The following ANP32A variants were observed in gnomAD, a reference collection of about 807,000 sequenced individuals.
ANP32A encodes acidic leucine-rich nuclear phosphoprotein 32 family member A.
A neutral mutation model predicts 33.9 loss-of-function variants in ANP32A; 1 was observed. The ratio of observed to expected loss-of-function variants is 0.03; its 90% CI spans 0.01 to 0.14. The LOEUF is 0.14. Among genes scored for constraint, ANP32A ranks in the 10% least tolerant of loss-of-function variants. The pLI, the probability that ANP32A is intolerant of heterozygous loss-of-function variation, is 1.00. For missense variants in ANP32A, 155 were observed against 306.0 expected (o/e 0.51, Z 3.68); for synonymous variants, 115 against 120.5 (o/e 0.95, Z 0.30).
intron 5 of ANP32A, chr15:68,781,015 A>C (rs899927127): frequency 6.5e-6 from 1 of 154,542 alleles, no homozygotes; most frequent in Non-Finnish European, 1.4e-5. Context: ...GGGTTGGGGA[A>C]GATAAATTCA....
chr15:68,805,243 T>C (rs1472945825), intron 1 of ANP32A, among the ~76,000 whole-genome samples: 1 of 152,190 alleles, frequency 6.6e-6, no homozygotes, highest in Non-Finnish European at 1.5e-5. Flanking sequence ...GAAACACCAA[T>C]GGAAATTCCA....
chr15:68,785,917 G>A (rs192335260), intron 3 of ANP32A, among the ~76,000 whole-genome samples: 1 of 152,328 alleles, frequency 6.6e-6, no homozygotes, highest in East Asian at 1.9e-4. Flanking sequence ...GATCAAAATA[G>A]TTTGGCTTTT....
intron 3 of ANP32A, among the ~76,000 whole-genome samples, chr15:68,785,915 T>C (rs1893925953): frequency 6.6e-6 from 1 of 152,204 alleles, no homozygotes; most frequent in African/African-American, 2.4e-5. Context: ...CAGATCAAAA[T>C]AGTTTGGCTT....
chr15:68,787,082 G>A (rs1893942445), intron 3 of ANP32A: 3 of 274,398 alleles, frequency 1.1e-5, no homozygotes, highest in Admixed American at 4.7e-5. Flanking sequence ...AACAAGCCAT[G>A]CCCTGAACCT....
rs1013290721 is a variant in ANP32A at position 68,779,870 on chromosome 15, G to C, written c.*211C>G. On this transcript the variant is annotated 3_prime_UTR_variant, in exon 7 of 7. Coordinates refer to ENST00000465139, the MANE Select transcript of ANP32A (RefSeq NM_006305.4). ...AGAAAAAGTAGGGGAAAAAAATAAA[G>C]AGTGGCAGTAAAAATAGTATTTTAT... The C allele has an allele frequency of 1.8e-6, 1 of 540,936 alleles. No individual in the cohort carries two copies. Among genetic ancestry groups the C allele is most frequent in the African/African-American group, 1.9e-5 (1 of 52,618 alleles). The allele number at this position is 540,936 out of a possible 1,614,324, so 33.5% of individuals were successfully genotyped here.
intron 1 of ANP32A, among the ~76,000 whole-genome samples, chr15:68,808,835 G>A (rs1894274254): frequency 6.6e-6 from 1 of 152,142 alleles, no homozygotes; most frequent in Non-Finnish European, 1.5e-5. Context: ...ACCCAGCACT[G>A]GGCACTGCTG....
Position 68,798,185 on chromosome 15 carries a change from C to G in ANP32A, c.55-10266G>C, listed in dbSNP as rs143692244. On this transcript the variant is annotated intron_variant, in intron 1 of 6. Coordinates refer to ENST00000465139, the MANE Select transcript of ANP32A (RefSeq NM_006305.4). Reference sequence around the variant, plus strand: ...TCCCACTGGAGTCTTCAGGGAGCAGCCCAGGGTTTCTGCCTTGGAGTCCGG... The same window carrying G: ...TCCCACTGGAGTCTTCAGGGAGCAGGCCAGGGTTTCTGCCTTGGAGTCCGG... 5.2e-4 allele frequency among the ~76,000 whole-genome samples: 79 copies of G among 152,332 alleles called. 1 individual carries two copies. The highest frequency in any genetic ancestry group is 1.8e-3 in the African/African-American group (75 of 41,580).
chr15:68,787,213 C>A (rs1596064845), intron 3 of ANP32A, 200 bp downstream of exon 3: 1 of 685,066 alleles, frequency 1.5e-6, no homozygotes, highest in East Asian at 2.9e-5. Flanking sequence ...TGTCTGTGAC[C>A]TTGGTCAAGG....
chr15:68,820,766 C>CT lies in ANP32A; in HGVS notation c.-16dup, dbSNP rs780564939. Reference sequence around the variant, plus strand: ...CCCATCTCCATCTCTCGCGCTCTCTCTCTGCAGAGGCTCCCGCGCCGGCGG... The same window carrying CT: ...CCCATCTCCATCTCTCGCGCTCTCTCTTCTGCAGAGGCTCCCGCGCCGGCGG... On this transcript the variant is annotated 5_prime_UTR_variant, in exon 1 of 7. Coordinates refer to ENST00000465139, the MANE Select transcript of ANP32A (RefSeq NM_006305.4). The CT allele has an allele frequency of 1.6e-5, 26 of 1,614,150 alleles. No individual in the cohort carries two copies. Among genetic ancestry groups the CT allele is most frequent in the Middle Eastern group, 3.3e-4 (2 of 6,058 alleles).
Position 68,780,051 on chromosome 15 carries a change from A to G in ANP32A, c.*30T>C. On this transcript the variant is annotated 3_prime_UTR_variant, in exon 7 of 7. Transcript: ENST00000465139. The surrounding 1 kb of genome is among the most constrained non-coding windows in gnomAD (Gnocchi z 4.3). ...TATGGGTAAAAACAGTCAAATCACA[A>G]TAGGAATTTTTCAAAATAGGTTATT... 2.5e-6 allele frequency: 4 copies of G among 1,609,478 alleles called. No individual in the cohort carries two copies. Among genetic ancestry groups the G allele is most frequent in the Non-Finnish European group, 3.4e-6 (4 of 1,176,294 alleles).
chr15:68,805,453 A>C (rs1470902), intron 1 of ANP32A, among the ~76,000 whole-genome samples: 121,267 of 152,230 alleles, frequency 0.8, 52,376 homozygotes, highest in Non-Finnish European at 0.96. Flanking sequence ...TGCAATTTGG[A>C]AGTCTAAATC....
intron 1 of ANP32A, among the ~76,000 whole-genome samples, chr15:68,799,290 C>T (rs1449160551): frequency 6.6e-6 from 1 of 152,266 alleles, no homozygotes; most frequent in South Asian, 2.1e-4. Context: ...GAGACAGACA[C>T]AGACAGAGAA....
intron 1 of ANP32A, among the ~76,000 whole-genome samples, chr15:68,810,577 A>T (rs1363319235): frequency 9.2e-5 from 14 of 152,216 alleles, no homozygotes; most frequent in South Asian, 2.1e-4. Flanking sequence ...CAGTACCTGC[A>T]GCTGTCAGTG....
At chr15:68,799,511 A>C (rs1381673712) in intron 1 of ANP32A, among the ~76,000 whole-genome samples, 2 of 152,216 alleles carry the variant, frequency 1.3e-5, no homozygotes, top group Non-Finnish European at 2.9e-5. Flanking sequence ...CAAACCAAAA[A>C]ACTATGAAGA....
chr15:68,817,585 G>C (rs942180463), intron 1 of ANP32A: 1 of 152,336 alleles, frequency 6.6e-6, no homozygotes, highest in African/African-American at 2.4e-5. Context: ...ACACCAGAGC[G>C]ATCGGTTAGT....
chr15:68,790,864 G>A (rs1371792176), intron 1 of ANP32A: 1 of 152,132 alleles, frequency 6.6e-6, no homozygotes, highest in African/African-American at 2.4e-5. Context: ...AAATGTAAGG[G>A]GCTTTGGCGT....
At position 68,780,312 on chromosome 15, in the gene ANP32A, T is replaced by C. The variant is rs975394965; in HGVS notation, c.688+98A>G. The C allele has an allele frequency of 6.3e-7, 1 of 1,589,264 alleles. No individual in the cohort carries two copies. The highest frequency in any genetic ancestry group is 1.7e-4 in the Middle Eastern group (1 of 5,932). ...GGGAATCTGAGGCCTCTGACAGGAG[T>C]GTCCTGCCCACTGCCAGGGGCCTCT... On this transcript the variant is annotated intron_variant, in intron 6 of 6. Coordinates refer to ENST00000465139, the MANE Select transcript of ANP32A (RefSeq NM_006305.4). The surrounding 1 kb of genome is among the most constrained non-coding windows in gnomAD (Gnocchi z 4.3).
At chr15:68,787,733 C>CCCCCCA in intron 2 of ANP32A, 37 bp downstream of exon 2, 1 of 1,604,922 alleles carries the variant, frequency 6.2e-7, no homozygotes, top group Non-Finnish European at 8.5e-7. Flanking sequence ...ACTCCCCACC[C>CCCCCCA]CCGCCTCCCA....
At chr15:68,796,823 G>A (rs959717509) in intron 1 of ANP32A, among the ~76,000 whole-genome samples, 1 of 152,098 alleles carries the variant, frequency 6.6e-6, no homozygotes, top group Non-Finnish European at 1.5e-5. Flanking sequence ...TCCATACACT[G>A]GACAATAGAG....
Sources: gnomAD v4.1 joint callset for allele counts (sites outside exome capture counted in the v4.1 genomes callset) on GRCh38, gnomAD v4.1.1 for gene constraint, Gnocchi (gnomAD v3.1) non-coding constraint, MANE v1.5 for transcripts, NCBI Gene and HGNC (gene_info 2026-07-23, HGNC 2026-07-21) for gene names.